BPIFA3: variants seen among roughly 807,000 people sequenced by gnomAD.
BPIFA3 encodes BPI fold-containing family A member 3.
BPIFA3 carries 32 observed loss-of-function variants against 29.7 expected under a neutral mutation model. That is an observed-to-expected ratio of 1.08 (90% CI 0.81 to 1.45). The LOEUF (loss-of-function observed/expected upper bound fraction) is 1.45, where lower values mean the gene tolerates loss of function less well. BPIFA3 is among the 40% of genes most tolerant of loss of function. The pLI is 0.00. For synonymous variants in BPIFA3, 112 were observed against 113.7 expected (o/e 0.98, Z 0.10); for missense variants, 323 against 311.3 (o/e 1.04, Z -0.28).
At chr20:33,220,483 C>A (rs1029923905) in intron 1 of BPIFA3, among the ~76,000 whole-genome samples, 3 of 152,046 alleles carry the variant, frequency 2.0e-5, no homozygotes, top group African/African-American at 7.2e-5. Flanking sequence ...ACTTCCCAAT[C>A]ATAAATTTAG....
At chr20:33,227,243 G>C (rs1395428530) in intron 6 of BPIFA3, among the ~76,000 whole-genome samples, 1 of 152,104 alleles carries the variant, frequency 6.6e-6, no homozygotes, top group Non-Finnish European at 1.5e-5. Context: ...AGAGATTCGA[G>C]CTGCTTCCAA....
intron 6 of BPIFA3, 84 bp downstream of exon 6, chr20:33,227,077 G>GCC: frequency 7.9e-7 from 1 of 1,271,038 alleles, no homozygotes; most frequent in Non-Finnish European, 1.2e-6. Context: ...AGCCCCCAGG[G>GCC]AGGCCTGCTA....
chr20:33,225,396 T>C, intron 4 of BPIFA3, 149 bp downstream of exon 4: 18 of 1,133,242 alleles, frequency 1.6e-5, no homozygotes, highest in Non-Finnish European at 2.1e-5. Context: ...TTCCCATCCG[T>C]GATGACCCTA....
intron 4 of BPIFA3, 49 bp downstream of exon 4, chr20:33,225,296 GC>G: frequency 6.2e-7 from 1 of 1,609,824 alleles, no homozygotes; most frequent in Non-Finnish European, 8.5e-7. Flanking sequence ...TTCCTGATGA[GC>G]CCCAGCTGCA....
At chr20:33,220,841 T>C (rs1985477571) in intron 1 of BPIFA3, among the ~76,000 whole-genome samples, 1 of 152,216 alleles carries the variant, frequency 6.6e-6, no homozygotes, top group Non-Finnish European at 1.5e-5. Context: ...TGCCTTTTTC[T>C]TATCTTGCAT....
chr20:33,225,519 C>A (rs1320332568), intron 4 of BPIFA3: 1 of 452,360 alleles, frequency 2.2e-6, no homozygotes, highest in African/African-American at 2.0e-5. Flanking sequence ...ATCTCCATCT[C>A]CTACTCCACT....
chr20:33,223,598 C>A (rs1241522333), intron 1 of BPIFA3: 3 of 512,588 alleles, frequency 5.9e-6, no homozygotes, highest in African/African-American at 3.8e-5. Flanking sequence ...GCCTGCCACA[C>A]CCTCTGCAGG....
chr20:33,226,851 T>C, intron 5 of BPIFA3, 79 bp from the exon 6 acceptor site: 4 of 1,574,748 alleles, frequency 2.5e-6, no homozygotes, highest in Non-Finnish European at 3.5e-6. Flanking sequence ...CCCATGGAGT[T>C]GAAGTTTCCT....
chr20:33,221,395 G>T (rs767382650), intron 1 of BPIFA3, among the ~76,000 whole-genome samples: 8 of 152,174 alleles, frequency 5.3e-5, no homozygotes, highest in African/African-American at 1.7e-4. Flanking sequence ...GACCTCAGGT[G>T]ATCCGCCCGC....
At chr20:33,224,074 G>A in intron 2 of BPIFA3, 113 bp downstream of exon 2, 11 of 1,353,172 alleles carry the variant, frequency 8.1e-6, no homozygotes, top group Non-Finnish European at 1.1e-5. Context: ...GGGAAGGTAG[G>A]AAGATTGAAA....
In BPIFA3 at chr20:33,226,950, A is replaced by C. The variant is rs986595889; in HGVS notation, c.642A>C (p.Glu214Asp). The C allele has an allele frequency of 3.1e-6, 5 of 1,614,008 alleles. No homozygotes were observed. The highest frequency in any genetic ancestry group is 3.4e-6 in the Non-Finnish European group (4 of 1,180,012). ...VESQVCPLIG[E>D]ILGQLDVKLL... ...TCCAGGTATGTCCTCTGATCGGTGA[A>C]ATCCTCGGGCAGCTGGATGTGAAAC... The change falls in exon 6 of 7, where the codon GAA becomes GAC. Residue 214 changes from glutamate to aspartate, a missense_variant. Transcript: ENST00000375454.
At chr20:33,224,073 GGAAGATT>G in intron 2 of BPIFA3, 112 bp downstream of exon 2, 1 of 1,356,566 alleles carries the variant, frequency 7.4e-7, no homozygotes, top group Non-Finnish European at 1.0e-6. Context: ...AGGGAAGGTA[GGAAGATT>G]GAAAGAAGAG....
In BPIFA3 at chr20:33,217,573, G is replaced by A. The variant is rs766075057; in HGVS notation, c.37G>A (p.Gly13Arg). The A allele has an allele frequency of 8.7e-6, 14 of 1,613,974 alleles. No homozygotes were observed. The highest frequency in any genetic ancestry group is 8.0e-5 in the African/African-American group (6 of 74,910). ...CPLWRLLIFL[G>R]LLALPLAPHK... ...ACTCTGGAGGCTCCTCATCTTCCTC[G>A]GGTTGCTGGCCTTGCCCTTGGCACC... Residue 13 changes from glycine (G) to arginine (R), a missense_variant, in exon 1 of 7, where the codon GGG (glycine) becomes AGG (arginine). Physicochemically the swap from Gly to Arg is moderately radical, Grantham distance 125 (BLOSUM62 -2). Coordinates refer to ENST00000375454, the MANE Select transcript of BPIFA3 (RefSeq NM_178466.5).
intron 1 of BPIFA3, among the ~76,000 whole-genome samples, chr20:33,218,698 C>A (rs552629218): frequency 1.3e-5 from 2 of 152,274 alleles, no homozygotes; most frequent in Non-Finnish European, 1.5e-5. Context: ...ACCCTAATGA[C>A]CTCGTTTAAC....
Position 33,224,402 on chromosome 20 carries a change from C to A in BPIFA3, c.326C>A (p.Ser109Ter), listed in dbSNP as rs113989803. Residue 109 changes from serine (S) to a stop codon, truncating the protein, a stop_gained, in exon 3 of 7, where the codon TCA (serine) becomes TAA (stop). Coordinates refer to ENST00000375454, the MANE Select transcript of BPIFA3 (RefSeq NM_178466.5). LOFTEE classifies it high-confidence loss of function. ...IQLDCGGIQI[S>*]FHKEWFSANI... ...CTGGACTGTGGTGGGATCCAGATAT[C>A]ATTCCATAAGGAGTGGTTCTCGGCA... 1.1e-3 allele frequency: 1,780 copies of A among 1,614,172 alleles called. 16 individuals carry two copies. The African/African-American group carries it at 0.02, about 18-fold the overall frequency.
At chr20:33,222,473 T>A (rs1985556708) in intron 1 of BPIFA3, among the ~76,000 whole-genome samples, 1 of 152,116 alleles carries the variant, frequency 6.6e-6, no homozygotes, top group South Asian at 2.1e-4. Flanking sequence ...GACCAGGAAT[T>A]TAAGGGAGTA....
intron 3 of BPIFA3, 99 bp downstream of exon 3, chr20:33,224,561 G>A: frequency 9.4e-7 from 1 of 1,068,156 alleles, no homozygotes. Context: ...TTCAAATCCT[G>A]GCTTCCAAAG....
chr20:33,218,766 G>A (rs1326469043), intron 1 of BPIFA3, among the ~76,000 whole-genome samples: 2 of 151,906 alleles, frequency 1.3e-5, no homozygotes, highest in African/African-American at 4.8e-5. Context: ...GGGAGGAGAG[G>A]GCACAATTTG....
chr20:33,224,741 G>C (rs1985696913), intron 3 of BPIFA3, among the ~76,000 whole-genome samples: 1 of 152,204 alleles, frequency 6.6e-6, no homozygotes, highest in Non-Finnish European at 1.5e-5. Flanking sequence ...GAGAACTGCT[G>C]TAATCATCTC....
Sources: allele counts gnomAD v4.1 joint callset (sites outside exome capture counted in the v4.1 genomes callset), GRCh38; gene constraint gnomAD v4.1.1; transcripts MANE v1.5; gene names NCBI Gene and HGNC (gene_info 2026-07-23, HGNC 2026-07-21).